Variants in CERS3 observed in about 807,000 individuals in gnomAD.
CERS3 encodes the protein LAG1 homolog, ceramide synthase 3.
CERS3 carries 33 observed loss-of-function variants against 50.3 expected under a neutral mutation model. The ratio of observed to expected loss-of-function variants is 0.66; its 90% CI spans 0.50 to 0.88. The LOEUF (loss-of-function observed/expected upper bound fraction) is 0.88, where lower values mean the gene tolerates loss of function less well. Among genes scored for constraint, CERS3 ranks in the 40% least tolerant of loss-of-function variants. CERS3 has a pLI of 0.00. For missense variants in CERS3, 470 were observed against 460.3 expected (o/e 1.02, Z -0.19); for synonymous variants, 176 against 155.2 (o/e 1.13, Z -0.99).
Position 100,521,734 on chromosome 15 carries a change from T to C in CERS3, c.-69A>G, listed in dbSNP as rs1011680576. On this transcript the variant is annotated 5_prime_UTR_variant, in exon 2 of 12. Transcript: ENST00000679737. ...GTATATATGTATATATATATAAATG[T>C]CAGCTTTTGTTTCACAACATCCCTA... The C allele has an allele frequency of 6.6e-6, 1 of 151,904 alleles. No individual in the cohort carries two copies. The highest frequency in any genetic ancestry group is 1.5e-5 in the Non-Finnish European group (1 of 68,056). 9.4% of individuals were successfully genotyped at this position (151,904 alleles called of 1,614,324 possible).
rs199763147 is a variant in CERS3, at chr15:100,473,016, T to C, written c.646A>G (p.Ile216Val). 1.1e-4 allele frequency: 184 copies of C among 1,613,674 alleles called. No homozygotes were observed. Among genetic ancestry groups the C allele is most frequent in the Non-Finnish European group, 1.5e-4 (173 of 1,179,898 alleles). Residue 216 changes from isoleucine to valine, a missense_variant, in exon 9 of 12, where the codon ATT becomes GTT. Coordinates refer to ENST00000679737, the MANE Select transcript of CERS3 (RefSeq NM_001378789.1). The stretch of plus-strand genomic sequence containing the variant: ...CACCAAGAGAAGCTCATCAGACTAA[T>C]AGCAGCCAGGTGGTGGATGATATGA... ...LAHIIHHLAA[I>V]SLMSFSWCAN...
At chr15:100,453,794 A>G (rs188358417) in intron 11 of CERS3, among the ~76,000 whole-genome samples, 103 of 152,352 alleles carry the variant, frequency 6.8e-4, no homozygotes, top group African/African-American at 2.4e-3. Flanking sequence ...AAATAAATTC[A>G]GTAAAGTTAC....
chr15:100,530,778 G>T (rs544580258), upstream of CERS3, among the ~76,000 whole-genome samples: 1 of 152,144 alleles, frequency 6.6e-6, no homozygotes, highest in Non-Finnish European at 1.5e-5. Context: ...AATTAAACAA[G>T]CCAAAAGAAT....
intron 11 of CERS3, among the ~76,000 whole-genome samples, chr15:100,412,293 GT>G (rs1437169378): frequency 6.6e-6 from 1 of 152,104 alleles, no homozygotes; most frequent in African/African-American, 2.4e-5. Flanking sequence ...TGGATATTCA[GT>G]TTTCCCAGCA....
chr15:100,505,984 A>G (rs577728358), intron 2 of CERS3, among the ~76,000 whole-genome samples: 2 of 152,228 alleles, frequency 1.3e-5, no homozygotes, highest in Non-Finnish European at 2.9e-5. Flanking sequence ...ACTGCACTCC[A>G]GCCTGAGTGA....
chr15:100,431,844 A>G (rs930582561), intron 11 of CERS3, among the ~76,000 whole-genome samples: 1 of 152,258 alleles, frequency 6.6e-6, no homozygotes, highest in Non-Finnish European at 1.5e-5. Flanking sequence ...GCTGTAGTCA[A>G]CATAGCTAGC....
In CERS3 at chr15:100,479,638, A is replaced by G; in HGVS notation, c.466-160T>C. On this transcript the variant is annotated intron_variant, in intron 6 of 11. Coordinates refer to ENST00000679737, the MANE Select transcript of CERS3 (RefSeq NM_001378789.1). ...TGCCATATTCTTTTGCTTCTATTGC[A>G]CGTATTTCTCCCTCTGTAGACTATT... The G allele has an allele frequency of 6.6e-6, 4 of 610,498 alleles. No individual in the cohort carries two copies. The South Asian group carries it at 8.3e-5, about 13-fold the overall frequency. The allele number at this position is 610,498 out of a possible 1,614,324, so 37.8% of individuals were successfully genotyped here. A position where few individuals can be genotyped will look rare whatever the true frequency, so the allele number is the denominator to read the frequency against.
At chr15:100,423,782 CT>C (rs1157858158) in intron 11 of CERS3, among the ~76,000 whole-genome samples, 1 of 152,124 alleles carries the variant, frequency 6.6e-6, no homozygotes, top group African/African-American at 2.4e-5. Flanking sequence ...CCTCTTCCCC[CT>C]ACTCCAGCCA....
intron 11 of CERS3, among the ~76,000 whole-genome samples, chr15:100,443,839 T>C (rs1260128933): frequency 6.6e-6 from 1 of 152,174 alleles, no homozygotes; most frequent in Non-Finnish European, 1.5e-5. Context: ...CACGGTTAGA[T>C]ACTTTCACCT....
chr15:100,418,137 T>A (rs917175462), intron 11 of CERS3, among the ~76,000 whole-genome samples: 4 of 151,940 alleles, frequency 2.6e-5, no homozygotes, highest in African/African-American at 9.7e-5. Context: ...TACTCTGAGC[T>A]ACGGGAGGAC....
chr15:100,476,185 A>G lies in CERS3; in HGVS notation c.517-7T>C, dbSNP rs1420013517. Reference sequence around the variant, plus strand: ...ACTGGGATGGCAGCAGGGGCTGAGGAAAAGAAGAGTATTCATTACTTTAAA... The same window carrying G: ...ACTGGGATGGCAGCAGGGGCTGAGGGAAAGAAGAGTATTCATTACTTTAAA... On this transcript the variant is annotated splice_region_variant and splice_polypyrimidine_tract_variant and intron_variant, in intron 7 of 11. Transcript: ENST00000679737. The G allele has an allele frequency of 1.9e-6, 3 of 1,545,084 alleles. No individual in the cohort carries two copies. In the African/African-American group the frequency reaches 4.3e-5, roughly 22 times the overall value.
intron 11 of CERS3, among the ~76,000 whole-genome samples, chr15:100,438,192 A>G (rs7168281): frequency 0.53 from 80,046 of 151,054 alleles, 21,520 homozygotes; most frequent in Non-Finnish European, 0.58. Flanking sequence ...TTACAGGCCC[A>G]CACCACCACG....
chr15:100,424,855 A>G (rs1303712022), intron 11 of CERS3, among the ~76,000 whole-genome samples: 1 of 152,202 alleles, frequency 6.6e-6, no homozygotes, highest in East Asian at 1.9e-4. Flanking sequence ...GGCTGCAGAA[A>G]TTTGCATAAA....
chr15:100,459,935 T>C (rs1437445405), intron 10 of CERS3, among the ~76,000 whole-genome samples: 1 of 152,172 alleles, frequency 6.6e-6, no homozygotes, highest in Admixed American at 6.5e-5. Flanking sequence ...ACTGCTTTTG[T>C]GGCATCTGTC....
intron 11 of CERS3, among the ~76,000 whole-genome samples, chr15:100,435,543 C>T (rs1417980808): frequency 1.3e-5 from 2 of 152,166 alleles, no homozygotes; most frequent in Non-Finnish European, 2.9e-5. Flanking sequence ...TAGGCAATAC[C>T]ATTCAGGACA....
chr15:100,502,267 A>AAAAAAAAAAAAAAAAAAAAAAAAAAAG (rs2036033219), intron 2 of CERS3, among the ~76,000 whole-genome samples: 1 of 109,258 alleles, frequency 9.2e-6, no homozygotes, highest in African/African-American at 3.2e-5. Context: ...AAAAAAAAAA[A>AAAAAAAAAAAAAAAAAAAAAAAAAAAG]AAAGAAAGAA....
At chr15:100,432,756 G>C (rs868075465) in intron 11 of CERS3, among the ~76,000 whole-genome samples, 1 of 152,088 alleles carries the variant, frequency 6.6e-6, no homozygotes, top group African/African-American at 2.4e-5. Flanking sequence ...TGCAGAAACA[G>C]AGTCACGTAC....
intron 11 of CERS3, among the ~76,000 whole-genome samples, chr15:100,434,177 G>A (rs2033280631): frequency 6.6e-6 from 1 of 152,238 alleles, no homozygotes; most frequent in Non-Finnish European, 1.5e-5. Context: ...GTTGCATGGA[G>A]GAATCTTGAG....
intron 11 of CERS3, among the ~76,000 whole-genome samples, chr15:100,417,607 T>C (rs535007659): frequency 1.8e-4 from 28 of 152,118 alleles, no homozygotes; most frequent in African/African-American, 4.8e-4. Context: ...CCTGCCTCTG[T>C]AGGCTCCACC....
Sources: gnomAD v4.1 joint callset for allele counts (sites outside exome capture counted in the v4.1 genomes callset) on GRCh38, gnomAD v4.1.1 for gene constraint, MANE v1.5 for transcripts, NCBI Gene and HGNC (gene_info 2026-07-23, HGNC 2026-07-21) for gene names.